Variants in SMG7 observed in about 807,000 individuals in gnomAD.
SMG7 encodes nonsense-mediated mRNA decay factor SMG7.
In SMG7, 34 loss-of-function variants were observed where a neutral mutation model predicts 148.2. The observed-to-expected ratio is 0.23, with a 90% CI of 0.17 to 0.31. SMG7 has a LOEUF of 0.31. Ranked by LOEUF, SMG7 falls within the 10% of genes least tolerant of loss-of-function variation. The pLI, the probability that SMG7 is intolerant of heterozygous loss-of-function variation, is 1.00. For missense variants in SMG7, 1,114 were observed against 1,408.4 expected, an observed-to-expected ratio of 0.79 and a Z score of 3.35; for synonymous variants, 492 against 515.1, an observed-to-expected ratio of 0.96 and a Z score of 0.61.
chr1:183,477,485 C>CATAAGTGTATATATGCATATATACAT (rs1557935151), intron 1 of SMG7, among the ~76,000 whole-genome samples: 4 of 125,150 alleles, frequency 3.2e-5, no homozygotes, highest in Non-Finnish European at 7.3e-5. Flanking sequence ...CATATATACA[C>CATAAGTGTATATATGCATATATACAT]GTGTGTGCAT....
intron 18 of SMG7, among the ~76,000 whole-genome samples, chr1:183,548,329 CTA>C (rs1328036899): frequency 1.3e-5 from 2 of 152,140 alleles, no homozygotes; most frequent in African/African-American, 4.8e-5. Context: ...TGTTGCCTCT[CTA>C]TGTTTGCCTT....
intron 13 of SMG7, 147 bp from the exon 14 acceptor site, chr1:183,541,929 T>C: frequency 1.5e-6 from 1 of 667,124 alleles, no homozygotes; most frequent in Non-Finnish European, 2.5e-6. Context: ...ATAACTACTT[T>C]TTGTGTTACC....
chr1:183,473,490 G>C (rs1395936328), intron 1 of SMG7, among the ~76,000 whole-genome samples: 1 of 152,096 alleles, frequency 6.6e-6, no homozygotes, highest in East Asian at 1.9e-4. Flanking sequence ...TGAAGATGTA[G>C]ATAGGTTGAA....
chr1:183,532,036 A>G (rs1185012439), intron 8 of SMG7, among the ~76,000 whole-genome samples: 1 of 152,202 alleles, frequency 6.6e-6, no homozygotes, highest in African/African-American at 2.4e-5. Context: ...ACAGTGTGAT[A>G]GAAAGAGTTC....
At position 183,537,152 on chromosome 1, in the gene SMG7, C is replaced by T; in HGVS notation, c.1171C>T (p.Pro391Ser). The change falls in exon 11 of 23, where the codon CCC (proline) becomes TCC (serine). Residue 391 changes from proline (P) to serine (S), a missense_variant. By Grantham distance (74) the Pro-to-Ser change is moderately conservative (BLOSUM62 -1). Around this residue, in one of 4 missense-constraint regions of SMG7, gnomAD observed 102 missense variants for 147.2 expected, o/e 0.69. Transcript: ENST00000688051. ...AVVDERQYIW[P>S]WLISLLNSFH... ...TCTTTCTTTAATTTACAGCATTTGG[C>T]CCTGGTTGATTTCTCTTCTGAATAG... The T allele has an allele frequency of 6.2e-7, 1 of 1,611,424 alleles. No individual in the cohort carries two copies. The highest frequency in any genetic ancestry group is 8.5e-7 in the Non-Finnish European group (1 of 1,177,748).
intron 1 of SMG7, among the ~76,000 whole-genome samples, chr1:183,509,837 A>G (rs1289828233): frequency 6.6e-6 from 1 of 152,194 alleles, no homozygotes; most frequent in African/African-American, 2.4e-5. Flanking sequence ...TGGACAGATT[A>G]TAGCATGGTA....
intron 8 of SMG7, among the ~76,000 whole-genome samples, chr1:183,531,230 C>T (rs764629094): frequency 1.3e-5 from 2 of 152,034 alleles, no homozygotes; most frequent in Non-Finnish European, 2.9e-5. Context: ...TTCTAACAAC[C>T]TTTAGCTACT....
At chr1:183,521,732 G>T (rs1308054584) in intron 4 of SMG7, among the ~76,000 whole-genome samples, 2 of 151,944 alleles carry the variant, frequency 1.3e-5, no homozygotes, top group Admixed American at 6.6e-5. Flanking sequence ...AGGCACGGTG[G>T]CGCACACCTG....
chr1:183,516,962 G>A (rs936592991), intron 3 of SMG7, among the ~76,000 whole-genome samples: 1 of 152,104 alleles, frequency 6.6e-6, no homozygotes, highest in African/African-American at 2.4e-5. Context: ...CTTTAATCAG[G>A]CCAGTAATAT....
Position 183,551,969 on chromosome 1 carries a change from C to T in SMG7, c.*38C>T. The T allele has an allele frequency of 6.2e-7, 1 of 1,605,996 alleles. No individual in the cohort carries two copies. Among genetic ancestry groups the T allele is most frequent in the Non-Finnish European group, 8.5e-7 (1 of 1,175,152 alleles). On this transcript the variant is annotated 3_prime_UTR_variant, in exon 23 of 23. Transcript: ENST00000688051. ...AACCTGGGAATGAAGGCTCCATAAACCATGGCATGTTGGGTTTGCAGGACT... is the reference window on the plus strand; with the variant it reads ...AACCTGGGAATGAAGGCTCCATAAATCATGGCATGTTGGGTTTGCAGGACT...
Position 183,552,139 on chromosome 1 carries a change from C to T in SMG7, c.*208C>T. 12 of 1,256,272 alleles carry T rather than the reference C, an allele frequency of 9.6e-6. No homozygotes were observed. The highest frequency in any genetic ancestry group is 1.1e-5 in the Non-Finnish European group (11 of 990,830). The allele number at this position is 1,256,272 out of a possible 1,614,324, so 77.8% of individuals were successfully genotyped here. A position where few individuals can be genotyped will look rare whatever the true frequency, so the allele number is the denominator to read the frequency against. Reference sequence around the variant, plus strand: ...AAATCCATCAGGAACTCTCCGTCCCCCCGGGGCCCTCCGGAGGGAGAGAGA... The same window carrying T: ...AAATCCATCAGGAACTCTCCGTCCCTCCGGGGCCCTCCGGAGGGAGAGAGA... On this transcript the variant is annotated 3_prime_UTR_variant, in exon 23 of 23. Coordinates refer to ENST00000688051, the MANE Select transcript of SMG7 (RefSeq NM_001375584.1).
intron 16 of SMG7, 75 bp from the exon 17 acceptor site, chr1:183,545,891 C>T (rs1669841314): frequency 1.3e-6 from 2 of 1,489,490 alleles, no homozygotes; most frequent in African/African-American, 2.8e-5. Context: ...CAAGTTCATT[C>T]TGTGATTCTT....
In SMG7 at chr1:183,552,646, G is replaced by C; in HGVS notation, c.*715G>C. On this transcript the variant is annotated 3_prime_UTR_variant, in exon 23 of 23. Coordinates refer to ENST00000688051, the MANE Select transcript of SMG7 (RefSeq NM_001375584.1). The stretch of plus-strand genomic sequence containing the variant: ...AGGGAATGCCCTTCACTCTGTAGGT[G>C]CTCGAGCCCCAATCGAGGATACAGT... 1.8e-6 allele frequency: 2 copies of C among 1,097,316 alleles called. No individual in the cohort carries two copies. Among genetic ancestry groups the C allele is most frequent in the Non-Finnish European group, 2.2e-6 (2 of 897,446 alleles). The allele number at this position is 1,097,316 out of a possible 1,614,324, so 68.0% of individuals were successfully genotyped here.
chr1:183,552,548 A>AT lies in SMG7; in HGVS notation c.*618dup, dbSNP rs530489136. ...GAACCGACCTCTTCAGCCAGTGGAA[A>AT]TGTTCCATAAGGGAGAGTTCAAGGC... is the stretch of plus-strand genomic sequence containing the variant. On this transcript the variant is annotated 3_prime_UTR_variant, in exon 23 of 23. Coordinates refer to ENST00000688051, the MANE Select transcript of SMG7 (RefSeq NM_001375584.1). The AT allele has an allele frequency of 2.5e-4, 253 of 1,003,294 alleles. No individual in the cohort carries two copies. The African/African-American group carries it at 4.2e-3, about 17-fold the overall frequency. The allele number at this position is 1,003,294 out of a possible 1,614,324, so 62.1% of individuals were successfully genotyped here. A position where few individuals can be genotyped will look rare whatever the true frequency, so the allele number is the denominator to read the frequency against.
In SMG7 at chr1:183,524,472, A is replaced by T. The variant is rs1300840138; in HGVS notation, c.313-2124A>T. On this transcript the variant is annotated intron_variant, in intron 4 of 22. Transcript: ENST00000688051. ...ATTTCTTGCCCATTACAAATGTACA[A>T]GTAAAGATGGAGTAAATAATTTCCA... Among the ~76,000 whole-genome samples, 10 of 152,294 alleles carry T rather than the reference A, an allele frequency of 6.6e-5. No individual in the cohort carries two copies. In the South Asian group the frequency reaches 1.2e-3, roughly 19 times the overall value.
chr1:183,550,737 C>T lies in SMG7; in HGVS notation c.3134-14C>T. The T allele has an allele frequency of 1.2e-6, 2 of 1,612,608 alleles. No homozygotes were observed. The highest frequency in any genetic ancestry group is 1.7e-6 in the Non-Finnish European group (2 of 1,178,772). ...CAATGATTTACTATATCCTGTGTTG[C>T]TATTATTTAATAGATCATTCAACAC... On this transcript the variant is annotated splice_polypyrimidine_tract_variant and intron_variant, in intron 20 of 22. Transcript: ENST00000688051.
chr1:183,482,120 T>A (rs572828400), intron 1 of SMG7, among the ~76,000 whole-genome samples: 5 of 152,140 alleles, frequency 3.3e-5, no homozygotes, highest in Non-Finnish European at 7.4e-5. Flanking sequence ...TGACTGAGTT[T>A]GGTTGATGTA....
chr1:183,490,442 T>A lies in SMG7; in HGVS notation c.29+17793T>A, dbSNP rs200151164. Among the ~76,000 whole-genome samples, 15 of 152,312 alleles carry A rather than the reference T, an allele frequency of 9.8e-5. No homozygotes were observed. In the East Asian group the frequency reaches 2.1e-3, roughly 22 times the overall value. ...GTGGACATTTTCTATGCAGAAAGCA[T>A]TTTAAGTATAAAATATTTTAAAATT... On this transcript the variant is annotated intron_variant, in intron 1 of 22. Transcript: ENST00000688051.
intron 2 of SMG7, 133 bp from the exon 3 acceptor site, chr1:183,515,741 A>G (rs1157980291): frequency 2.2e-6 from 1 of 453,974 alleles, no homozygotes; most frequent in African/African-American, 2.0e-5. Flanking sequence ...AAACTTCTGC[A>G]GCATTCTATG....
Sources: allele counts gnomAD v4.1 joint callset (sites outside exome capture counted in the v4.1 genomes callset), GRCh38; gene constraint gnomAD v4.1.1; regional missense constraint gnomAD v4.1.1; transcripts MANE v1.5; gene names NCBI Gene and HGNC (gene_info 2026-07-23, HGNC 2026-07-21).